Variants in LRP1B observed in about 807,000 individuals in gnomAD.
The protein encoded by LRP1B is LDL receptor related protein 1B.
A neutral mutation model predicts 556.6 loss-of-function variants in LRP1B; 217 were observed. The observed-to-expected ratio is 0.39, with a 90% CI of 0.35 to 0.44. LRP1B has a LOEUF of 0.44. Among genes scored for constraint, LRP1B ranks in the 20% least tolerant of loss-of-function variants. The pLI is 1.00. For missense variants in LRP1B, 5,053 were observed against 5,620.8 expected (o/e 0.90, Z 3.23); for synonymous variants, 2,047 against 1,865.8 (o/e 1.10, Z -2.50).
chr2:141,356,364 G>A (rs1273654871), intron 3 of LRP1B, among the ~76,000 whole-genome samples: 6 of 152,010 alleles, frequency 3.9e-5, no homozygotes, highest in Admixed American at 6.6e-5. Context: ...TGGAATTTTC[G>A]GGCTGTATAG....
intron 7 of LRP1B, among the ~76,000 whole-genome samples, chr2:141,065,885 C>G (rs1314632502): frequency 6.6e-6 from 1 of 151,920 alleles, no homozygotes. Flanking sequence ...CCCTGGAAAA[C>G]TCATGGTAGA....
intron 32 of LRP1B, among the ~76,000 whole-genome samples, chr2:140,786,627 A>G (rs6728467): frequency 6.6e-6 from 1 of 151,796 alleles, no homozygotes; most frequent in African/African-American, 2.4e-5. Context: ...TTAAGCAGAG[A>G]ATTTGGAGGA....
In LRP1B at chr2:140,335,675, G is replaced by A. The variant is rs777521689; in HGVS notation, c.12056C>T (p.Thr4019Ile). The A allele has an allele frequency of 2.5e-6, 4 of 1,612,690 alleles. No individual in the cohort carries two copies. Among genetic ancestry groups the A allele is most frequent in the African/African-American group, 2.7e-5 (2 of 74,794 alleles). Residue 4019 changes from threonine (T) to isoleucine (I), a missense_variant, in exon 78 of 91, where the codon ACC becomes ATC. Physicochemically the swap from Thr to Ile is moderately conservative, Grantham distance 89. Around this residue, in one of 5 missense-constraint regions of LRP1B, gnomAD observed 599 missense variants for 648.4 expected, o/e 0.92. Coordinates refer to ENST00000389484, the MANE Select transcript of LRP1B (RefSeq NM_018557.3). ...TCCAGCCATATTTGTTAAGAGTCTG[G>A]TGCAGTTGGGGCCATTCAGCTGCCC... ...NVGQLNGPNC[T>I]RLLTNMAGEP...
At chr2:140,248,012 C>G (rs1325320185) in intron 86 of LRP1B, among the ~76,000 whole-genome samples, 1 of 151,444 alleles carries the variant, frequency 6.6e-6, no homozygotes, top group Non-Finnish European at 1.5e-5. Flanking sequence ...ACCACCATAT[C>G]AAGAATAGTT....
intron 1 of LRP1B, among the ~76,000 whole-genome samples, chr2:141,845,158 G>T (rs1024055551): frequency 1.3e-5 from 2 of 151,482 alleles, no homozygotes; most frequent in African/African-American, 2.4e-5. Flanking sequence ...GGTATTTTAA[G>T]AATCTTTCAG....
chr2:141,602,372 G>A (rs1167045875), intron 2 of LRP1B, among the ~76,000 whole-genome samples: 3 of 152,160 alleles, frequency 2.0e-5, no homozygotes, highest in Non-Finnish European at 4.4e-5. Flanking sequence ...CTGTCAAAGT[G>A]TAATCCACAT....
intron 1 of LRP1B, among the ~76,000 whole-genome samples, chr2:141,986,504 T>G (rs1359975269): frequency 2.0e-5 from 3 of 151,894 alleles, no homozygotes. Flanking sequence ...TTACCCTCAT[T>G]TTTCTTTAGT....
At chr2:140,242,555 T>C (rs912983445) in intron 87 of LRP1B, among the ~76,000 whole-genome samples, 6 of 151,170 alleles carry the variant, frequency 4.0e-5, no homozygotes, top group Admixed American at 6.6e-5. Flanking sequence ...TATTGCTTGA[T>C]GTATAACAGA....
intron 88 of LRP1B, 35 bp from the exon 89 acceptor site, chr2:140,238,331 G>A (rs745380235): frequency 2.3e-5 from 26 of 1,136,288 alleles, no homozygotes; most frequent in African/African-American, 1.3e-4. Flanking sequence ...TGTGAGTTTT[G>A]TATAAATATC....
At chr2:140,265,137 A>C (rs1682140408) in intron 86 of LRP1B, among the ~76,000 whole-genome samples, 2 of 152,092 alleles carry the variant, frequency 1.3e-5, no homozygotes, top group African/African-American at 2.4e-5. Context: ...ATAATAGTCT[A>C]ACACTAGGGA....
chr2:141,135,953 T>C (rs1029055923), intron 7 of LRP1B, among the ~76,000 whole-genome samples: 2 of 147,904 alleles, frequency 1.4e-5, no homozygotes, highest in Admixed American at 6.7e-5. Context: ...CAAATAGAAA[T>C]GATTTCTGAA....
chr2:141,246,605 G>A (rs532620140), intron 5 of LRP1B, among the ~76,000 whole-genome samples: 2 of 152,284 alleles, frequency 1.3e-5, no homozygotes, highest in African/African-American at 4.8e-5. Flanking sequence ...AGTAGTCCAG[G>A]AGAGAGGATA....
At chr2:140,514,912 C>A in intron 50 of LRP1B, 140 bp from the exon 51 acceptor site, 1 of 828,614 alleles carries the variant, frequency 1.2e-6, no homozygotes, top group East Asian at 2.8e-5. Flanking sequence ...TTTTCTATGA[C>A]AATTCTATAA....
intron 7 of LRP1B, among the ~76,000 whole-genome samples, chr2:141,119,645 CA>C (rs1347982093): frequency 1.3e-5 from 2 of 151,414 alleles, no homozygotes; most frequent in African/African-American, 4.8e-5. Flanking sequence ...AGCACTAAAT[CA>C]AAAATAACTA....
At chr2:142,029,682 C>T (rs973930917) in intron 1 of LRP1B, among the ~76,000 whole-genome samples, 1 of 151,704 alleles carries the variant, frequency 6.6e-6, no homozygotes, top group African/African-American at 2.4e-5. Flanking sequence ...ACTCTCATCC[C>T]TCAACTTCTT....
intron 3 of LRP1B, among the ~76,000 whole-genome samples, chr2:141,452,641 G>A (rs1445906901): frequency 1.3e-5 from 2 of 152,266 alleles, no homozygotes. Flanking sequence ...TCCCAGTAAA[G>A]AAGTTTCCCA....
chr2:140,468,198 G>T (rs1411719504), intron 60 of LRP1B, among the ~76,000 whole-genome samples: 1 of 152,188 alleles, frequency 6.6e-6, no homozygotes, highest in Non-Finnish European at 1.5e-5. Context: ...CAGCCCAGCT[G>T]TGGCCCAAGC....
At chr2:141,660,079 CAAG>C (rs1193261472) in intron 2 of LRP1B, among the ~76,000 whole-genome samples, 4 of 152,048 alleles carry the variant, frequency 2.6e-5, no homozygotes, top group East Asian at 1.9e-4. Context: ...AGTCTCCCAC[CAAG>C]AAGAAGGGAG....
chr2:142,077,056 G>A (rs1705527797), intron 1 of LRP1B, among the ~76,000 whole-genome samples: 1 of 151,990 alleles, frequency 6.6e-6, no homozygotes, highest in Admixed American at 6.6e-5. Context: ...TATATGAATG[G>A]CATCATTTCC....
Sources: gnomAD v4.1 joint callset for allele counts (sites outside exome capture counted in the v4.1 genomes callset) on GRCh38, gnomAD v4.1.1 for gene constraint, gnomAD v4.1.1 regional missense constraint, MANE v1.5 for transcripts, NCBI Gene and HGNC (gene_info 2026-07-23, HGNC 2026-07-21) for gene names.